EYS: variants seen among roughly 807,000 people sequenced by gnomAD.
EYS encodes protein eyes shut homolog.
EYS carries 250 observed loss-of-function variants against 282.1 expected under a neutral mutation model. The observed-to-expected ratio is 0.89, with a 90% CI of 0.80 to 0.98. EYS has a LOEUF of 0.98. EYS is among the 50% of genes least tolerant of loss of function. EYS has a pLI of 0.00. For synonymous variants in EYS, 1,355 were observed against 1,282.9 expected (o/e 1.06, Z -1.20); for missense variants, 4,016 against 3,709.0 (o/e 1.08, Z -2.15).
At chr6:64,776,530 A>G (rs1047548672) in intron 22 of EYS, among the ~76,000 whole-genome samples, 1 of 152,004 alleles carries the variant, frequency 6.6e-6, no homozygotes, top group African/African-American at 2.4e-5. Flanking sequence ...TTTGAAGGAA[A>G]AATTCTATTC....
chr6:65,579,109 G>T (rs961145487), intron 2 of EYS, among the ~76,000 whole-genome samples: 12 of 152,044 alleles, frequency 7.9e-5, no homozygotes, highest in Non-Finnish European at 1.5e-5. Context: ...ACTCAACTTT[G>T]ACTAATGAGA....
chr6:65,160,408 G>A (rs79468987), intron 12 of EYS, among the ~76,000 whole-genome samples: 6,419 of 150,678 alleles, frequency 0.043, 194 homozygotes, highest in Middle Eastern at 0.065. Context: ...TATTCTATTG[G>A]TTTTGACCAA....
intron 39 of EYS, among the ~76,000 whole-genome samples, chr6:63,778,596 T>A (rs1770127591): frequency 6.6e-6 from 1 of 152,182 alleles, no homozygotes; most frequent in African/African-American, 2.4e-5. Context: ...TTAATAAACC[T>A]ATAATTATTA....
intron 2 of EYS, among the ~76,000 whole-genome samples, chr6:65,527,660 G>A (rs1562241795): frequency 6.6e-6 from 1 of 152,172 alleles, no homozygotes; most frequent in East Asian, 1.9e-4. Flanking sequence ...TGTCTGACTT[G>A]CCAGTATAAT....
intron 12 of EYS, among the ~76,000 whole-genome samples, chr6:65,074,439 C>T (rs1326854312): frequency 6.6e-6 from 1 of 151,952 alleles, no homozygotes; most frequent in Non-Finnish European, 1.5e-5. Context: ...CTTGTAGAGA[C>T]CATGTGGCAA....
intron 19 of EYS, among the ~76,000 whole-genome samples, chr6:64,841,258 A>G (rs1438834829): frequency 6.6e-6 from 1 of 152,170 alleles, no homozygotes; most frequent in South Asian, 2.1e-4. Context: ...CAAAACATCT[A>G]TGAACCACTT....
chr6:65,126,495 T>A (rs1386193740), intron 12 of EYS, among the ~76,000 whole-genome samples: 1 of 152,136 alleles, frequency 6.6e-6, no homozygotes, highest in Non-Finnish European at 1.5e-5. Context: ...TTGCATGTAG[T>A]TTTTAAGTGC....
At chr6:65,335,358 C>G (rs894795006) in intron 10 of EYS, among the ~76,000 whole-genome samples, 5 of 151,734 alleles carry the variant, frequency 3.3e-5, no homozygotes, top group Non-Finnish European at 5.9e-5. Context: ...AAACCACACC[C>G]TTGCTAAACT....
At chr6:65,362,663 T>C (rs946987499) in intron 8 of EYS, among the ~76,000 whole-genome samples, 1 of 151,914 alleles carries the variant, frequency 6.6e-6, no homozygotes, top group East Asian at 1.9e-4. Flanking sequence ...TTACTACAAG[T>C]GCTTAAAGAT....
intron 5 of EYS, among the ~76,000 whole-genome samples, chr6:65,412,082 A>G (rs570728835): frequency 2.6e-5 from 4 of 152,232 alleles, no homozygotes; most frequent in African/African-American, 7.2e-5. Flanking sequence ...TATAATAATC[A>G]GATAGCTTGC....
At chr6:64,916,122 A>T (rs925556002) in intron 15 of EYS, among the ~76,000 whole-genome samples, 1 of 152,176 alleles carries the variant, frequency 6.6e-6, no homozygotes, top group Non-Finnish European at 1.5e-5. Context: ...AGAGGAGAAA[A>T]GCTAGAGAAT....
chr6:64,183,783 A>C (rs778765260), intron 31 of EYS, among the ~76,000 whole-genome samples: 4 of 152,180 alleles, frequency 2.6e-5, no homozygotes, highest in Admixed American at 6.6e-5. Context: ...CAAAATTAAT[A>C]AAATTTTACA....
At chr6:64,389,769 C>G (rs1773043825) in intron 28 of EYS, among the ~76,000 whole-genome samples, 1 of 152,120 alleles carries the variant, frequency 6.6e-6, no homozygotes, top group Non-Finnish European at 1.5e-5. Context: ...TTGGGAGGAG[C>G]CAAGATGGCT....
At chr6:65,293,840 G>A (rs1037728112) in intron 12 of EYS, among the ~76,000 whole-genome samples, 6 of 151,820 alleles carry the variant, frequency 4.0e-5, no homozygotes, top group African/African-American at 1.2e-4. Flanking sequence ...AAATTTGACC[G>A]TAAGGCTAAT....
At chr6:65,035,180 C>T in intron 13 of EYS, among the ~76,000 whole-genome samples, 1 of 151,896 alleles carries the variant, frequency 6.6e-6, no homozygotes, top group East Asian at 1.9e-4. Flanking sequence ...TGTTAAAAAC[C>T]CTCAACACAC....
At chr6:64,776,715 C>T (rs902812873) in intron 22 of EYS, among the ~76,000 whole-genome samples, 6 of 151,988 alleles carry the variant, frequency 3.9e-5, no homozygotes, top group African/African-American at 1.4e-4. Flanking sequence ...AGTAATAATG[C>T]TTTTGGTGCT....
chr6:64,649,837 T>G (rs552422813), intron 22 of EYS, among the ~76,000 whole-genome samples: 1 of 152,160 alleles, frequency 6.6e-6, no homozygotes, highest in Non-Finnish European at 1.5e-5. Flanking sequence ...TTATAATACA[T>G]TATTAAGAAA....
intron 5 of EYS, among the ~76,000 whole-genome samples, chr6:65,478,477 T>C (rs1397689831): frequency 6.6e-6 from 1 of 152,136 alleles, no homozygotes; most frequent in East Asian, 1.9e-4. Flanking sequence ...GTATTTTACA[T>C]GAATTGGTTC....
At chr6:64,570,725 A>G (rs1765697982) in intron 26 of EYS, among the ~76,000 whole-genome samples, 1 of 152,244 alleles carries the variant, frequency 6.6e-6, no homozygotes, top group South Asian at 2.1e-4. Context: ...TGCAACTAGA[A>G]GAGCTAACTA....
Sources: allele counts gnomAD v4.1 joint callset (sites outside exome capture counted in the v4.1 genomes callset), GRCh38; gene constraint gnomAD v4.1.1; transcripts MANE v1.5; gene names NCBI Gene and HGNC (gene_info 2026-07-23, HGNC 2026-07-21).